PGM5: variants seen among roughly 807,000 people sequenced by gnomAD.
PGM5 encodes phosphoglucomutase-like protein 5.
PGM5 carries 23 observed loss-of-function variants against 59.2 expected under a neutral mutation model. The ratio of observed to expected loss-of-function variants is 0.39; its 90% CI spans 0.28 to 0.55. The LOEUF (loss-of-function observed/expected upper bound fraction) is 0.55. Among genes scored for constraint, PGM5 ranks in the 20% least tolerant of loss-of-function variants. The pLI is 0.66. For missense variants in PGM5, 574 were observed against 748.3 expected (o/e 0.77, Z 2.72); for synonymous variants, 214 against 286.0 (o/e 0.75, Z 2.54).
At chr9:68,524,284 A>T (rs1305598968) in intron 10 of PGM5, among the ~76,000 whole-genome samples, 1 of 152,188 alleles carries the variant, frequency 6.6e-6, no homozygotes, top group African/African-American at 2.4e-5. Flanking sequence ...ATAGTGTCAA[A>T]ACTTTAAATA....
intron 2 of PGM5, among the ~76,000 whole-genome samples, chr9:68,384,102 T>G (rs1473897312): frequency 1.2e-4 from 18 of 151,418 alleles, no homozygotes; most frequent in Admixed American, 2.6e-4. Context: ...CAGGTTTCCC[T>G]GGCAGGTGTG....
chr9:68,451,880 A>T (rs527785666), intron 6 of PGM5, among the ~76,000 whole-genome samples: 1 of 152,324 alleles, frequency 6.6e-6, no homozygotes, highest in East Asian at 1.9e-4. Flanking sequence ...CATTATTCCC[A>T]TTGCAAACAC....
At chr9:68,417,246 A>C (rs1823048797) in intron 6 of PGM5, among the ~76,000 whole-genome samples, 1 of 152,212 alleles carries the variant, frequency 6.6e-6, no homozygotes, top group Non-Finnish European at 1.5e-5. Flanking sequence ...GTCAAAATAC[A>C]GTGAGACATA....
chr9:68,459,971 G>A (rs576986484), intron 6 of PGM5, among the ~76,000 whole-genome samples: 30 of 152,164 alleles, frequency 2.0e-4, no homozygotes, highest in South Asian at 1.7e-3. Context: ...TGTATTTGAG[G>A]GTCTTAAAAG....
At chr9:68,512,022 G>A (rs1824758202) in intron 10 of PGM5, among the ~76,000 whole-genome samples, 1 of 152,140 alleles carries the variant, frequency 6.6e-6, no homozygotes, top group African/African-American at 2.4e-5. Context: ...AGGATGAAGT[G>A]GAGTTTCTCT....
rs1165096041 is a variant in PGM5, at chr9:68,357,167, G to A, written c.40G>A (p.Ala14Thr). 1.6e-5 allele frequency: 24 copies of A among 1,536,178 alleles called. No homozygotes were observed. The highest frequency in any genetic ancestry group is 7.9e-5 in the Admixed American group (4 of 50,794). Residue 14 changes from alanine to threonine, a missense_variant, in exon 1 of 11, where the codon GCG (alanine) becomes ACG (threonine). Around this residue, in one of 7 missense-constraint regions of PGM5, gnomAD observed 60 missense variants for 71.0 expected, o/e 0.85. Transcript: ENST00000396396. ...CATCCCGGTGCTGACAGTGCCCACC[G>A]CGCCCTACGAGGACCAGCGGCCGGC... ...SPIPVLTVPT[A>T]PYEDQRPAGG...
intron 1 of PGM5, among the ~76,000 whole-genome samples, chr9:68,370,966 G>A (rs1192182856): frequency 5.9e-5 from 9 of 152,276 alleles, no homozygotes; most frequent in Non-Finnish European, 1.0e-4. Context: ...CCTCACAGAT[G>A]TGTCTGCAGG....
intron 6 of PGM5, among the ~76,000 whole-genome samples, chr9:68,442,811 A>G (rs1345844808): frequency 6.6e-6 from 1 of 152,266 alleles, no homozygotes; most frequent in African/African-American, 2.4e-5. Flanking sequence ...TGTGTTCAAC[A>G]TCATTAACCA....
chr9:68,505,545 A>G lies in PGM5; in HGVS notation c.1614+6184A>G, dbSNP rs996395776. On this transcript the variant is annotated intron_variant, in intron 10 of 10. Coordinates refer to ENST00000396396, the MANE Select transcript of PGM5 (RefSeq NM_021965.4). ...CCCCCTTCAGATTTAATAATTCACT[A>G]GAATGACTCACTGACCTCAGAAAAG... 1.1e-4 allele frequency among the ~76,000 whole-genome samples: 17 copies of G among 152,330 alleles called. No individual in the cohort carries two copies. The East Asian group carries it at 1.3e-3, about 12-fold the overall frequency.
intron 6 of PGM5, among the ~76,000 whole-genome samples, chr9:68,410,808 A>C (rs1242992878): frequency 6.6e-6 from 1 of 152,180 alleles, no homozygotes; most frequent in Non-Finnish European, 1.5e-5. Flanking sequence ...AGTAACAAAA[A>C]CTGAATTCCA....
Position 68,449,968 on chromosome 9 carries a change from G to T in PGM5, c.1044-15125G>T, listed in dbSNP as rs79764823. Reference sequence around the variant, plus strand: ...TGCTTACATTTAAGAGAGATGTCCAGGGGAGGCAAGAGTTGGACCTCAGCC... The same window carrying T: ...TGCTTACATTTAAGAGAGATGTCCATGGGAGGCAAGAGTTGGACCTCAGCC... On this transcript the variant is annotated intron_variant, in intron 6 of 10. Transcript: ENST00000396396. Among the ~76,000 whole-genome samples the T allele has an allele frequency of 2.1e-3, 325 of 152,278 alleles. 4 individuals are homozygous for T. Among genetic ancestry groups the T allele is most frequent in the African/African-American group, 7.5e-3 (311 of 41,530 alleles).
At chr9:68,495,372 T>A (rs1824466753) in intron 9 of PGM5, among the ~76,000 whole-genome samples, 1 of 152,190 alleles carries the variant, frequency 6.6e-6, no homozygotes, top group South Asian at 2.1e-4. Context: ...AACCTCAAAT[T>A]TGGCATTAAG....
rs1327316621 is a variant in PGM5, at chr9:68,393,883, G to C, written c.1043+1410G>C. On this transcript the variant is annotated intron_variant, in intron 6 of 10. Transcript: ENST00000396396. Reference sequence around the variant, plus strand: ...TACAAATGTCCATCAACAGGAGATTGCAAAAATAAATTGTGATATATTTAT... The same window carrying C: ...TACAAATGTCCATCAACAGGAGATTCCAAAAATAAATTGTGATATATTTAT... The C allele has an allele frequency of 2.0e-5, 3 of 152,120 alleles. No homozygotes were observed. The East Asian group carries it at 5.8e-4, about 29-fold the overall frequency. The allele number at this position is 152,120 out of a possible 1,614,324, so 9.4% of individuals were successfully genotyped here.
chr9:68,419,480 G>A (rs557301869), intron 6 of PGM5, among the ~76,000 whole-genome samples: 1 of 152,268 alleles, frequency 6.6e-6, no homozygotes, highest in African/African-American at 2.4e-5. Context: ...GGAGGATTTG[G>A]CCATGATCAG....
intron 1 of PGM5, among the ~76,000 whole-genome samples, chr9:68,374,279 T>C (rs1316725556): frequency 6.6e-6 from 1 of 152,262 alleles, no homozygotes; most frequent in Non-Finnish European, 1.5e-5. Context: ...TATTCAGTTC[T>C]ATATCAGAAG....
intron 9 of PGM5, among the ~76,000 whole-genome samples, chr9:68,490,838 C>T (rs1824378636): frequency 6.6e-6 from 1 of 152,188 alleles, no homozygotes; most frequent in African/African-American, 2.4e-5. Flanking sequence ...TTAGTTAAAT[C>T]TGAAAATTAG....
intron 9 of PGM5, among the ~76,000 whole-genome samples, chr9:68,490,279 GTTC>G (rs1824368301): frequency 6.6e-6 from 1 of 152,212 alleles, no homozygotes; most frequent in South Asian, 2.1e-4. Flanking sequence ...TTAAGATTGA[GTTC>G]TTCTCTCTTC....
intron 6 of PGM5, among the ~76,000 whole-genome samples, chr9:68,463,681 A>G (rs1257194150): frequency 6.6e-6 from 1 of 152,176 alleles, no homozygotes; most frequent in Non-Finnish European, 1.5e-5. Flanking sequence ...AATACAGTAT[A>G]TACACCTTTG....
intron 6 of PGM5, among the ~76,000 whole-genome samples, chr9:68,450,317 C>G (rs939009796): frequency 1.3e-5 from 2 of 152,200 alleles, no homozygotes; most frequent in African/African-American, 4.8e-5. Context: ...CACCTGGGCT[C>G]TAACCAAGAC....
Sources: allele counts gnomAD v4.1 joint callset (sites outside exome capture counted in the v4.1 genomes callset), GRCh38; gene constraint gnomAD v4.1.1; regional missense constraint gnomAD v4.1.1; transcripts MANE v1.5; gene names NCBI Gene and HGNC (gene_info 2026-07-23, HGNC 2026-07-21).